DLGAP2: variants seen among roughly 807,000 people sequenced by gnomAD.
DLGAP2 encodes the protein DLG associated protein 2.
DLGAP2 carries 26 observed loss-of-function variants against 100.3 expected under a neutral mutation model. That is an observed-to-expected ratio of 0.26 (90% CI 0.19 to 0.36). DLGAP2 has a LOEUF of 0.36. Ranked by LOEUF, DLGAP2 falls within the 10% of genes least tolerant of loss-of-function variation. DLGAP2 has a pLI of 1.00. For synonymous variants in DLGAP2, 886 were observed against 630.1 expected, an observed-to-expected ratio of 1.41 and a Z score of -6.08; for missense variants, 1,858 against 1,453.2, an observed-to-expected ratio of 1.28 and a Z score of -4.53.
At chr8:1,473,857 C>G (rs529207101) in intron 3 of DLGAP2, among the ~76,000 whole-genome samples, 1 of 152,260 alleles carries the variant, frequency 6.6e-6, no homozygotes, top group South Asian at 2.1e-4. Context: ...CCATGTAAGA[C>G]CTGCCTTTCA....
At chr8:1,176,790 G>T (rs28453719) in intron 2 of DLGAP2, among the ~76,000 whole-genome samples, 1 of 152,064 alleles carries the variant, frequency 6.6e-6, no homozygotes, top group East Asian at 1.9e-4. Context: ...AAGAGGTCTC[G>T]GTTGGAGGCA....
chr8:1,414,729 C>A (rs967699711), intron 3 of DLGAP2, among the ~76,000 whole-genome samples: 1 of 152,212 alleles, frequency 6.6e-6, no homozygotes, highest in Admixed American at 6.5e-5. Flanking sequence ...AGGTGTCTGG[C>A]TGGGCACGGT....
chr8:756,312 C>T (rs1458653714), intron 1 of DLGAP2, among the ~76,000 whole-genome samples: 1 of 151,978 alleles, frequency 6.6e-6, no homozygotes, highest in African/African-American at 2.4e-5. Context: ...CAGGTGTGGG[C>T]AGGTTGGGGC....
intron 2 of DLGAP2, among the ~76,000 whole-genome samples, chr8:1,150,516 C>G (rs1183057474): frequency 6.6e-6 from 1 of 152,188 alleles, no homozygotes; most frequent in Admixed American, 6.5e-5. Flanking sequence ...CCAGATTTGT[C>G]TTTTATACTT....
intron 3 of DLGAP2, among the ~76,000 whole-genome samples, chr8:1,409,297 A>AGAAATGGG (rs1796662780): frequency 6.6e-6 from 1 of 151,238 alleles, no homozygotes; most frequent in African/African-American, 2.4e-5. Context: ...ACCAACTGGA[A>AGAAATGGG]CCAACCAGTT....
At chr8:1,144,406 C>T (rs756553007) in intron 2 of DLGAP2, among the ~76,000 whole-genome samples, 4 of 152,208 alleles carry the variant, frequency 2.6e-5, no homozygotes, top group Admixed American at 6.5e-5. Flanking sequence ...AATCCAGAAG[C>T]TGTGAAGACG....
chr8:1,496,835 G>C lies in DLGAP2; in HGVS notation c.107-4531G>C, dbSNP rs749671827. On this transcript the variant is annotated intron_variant, in intron 3 of 14. Coordinates refer to ENST00000637795, the MANE Select transcript of DLGAP2 (RefSeq NM_001346810.2). ...TTCGCTGCTGTGCCCAGAGGTGTGC[G>C]TTGCTGGAGGAGGGTTGGGTGTTGA... is the stretch of plus-strand genomic sequence containing the variant. Among the ~76,000 whole-genome samples the C allele has an allele frequency of 3.3e-5, 5 of 152,202 alleles. No individual in the cohort carries two copies. The South Asian group carries it at 1.0e-3, about 32-fold the overall frequency.
intron 6 of DLGAP2, among the ~76,000 whole-genome samples, chr8:1,626,033 C>T (rs1400176157): frequency 1.6e-5 from 2 of 128,298 alleles, no homozygotes; most frequent in African/African-American, 7.1e-5. Context: ...GGCGGGTGCT[C>T]AGCCTCTGGG....
chr8:882,485 T>C (rs1456182196), intron 1 of DLGAP2, among the ~76,000 whole-genome samples: 1 of 110,368 alleles, frequency 9.1e-6, no homozygotes, highest in African/African-American at 3.4e-5. Flanking sequence ...CCTCGCCTGA[T>C]CCAGCGGTAC....
intron 3 of DLGAP2, among the ~76,000 whole-genome samples, chr8:1,462,771 T>C (rs1275093015): frequency 1.3e-5 from 2 of 152,166 alleles, no homozygotes; most frequent in African/African-American, 4.8e-5. Context: ...CAGGGATGCC[T>C]CCTGAACAAG....
chr8:1,344,176 G>GTCGTGGGTCCGTGTACTCGGGGCC (rs1801499360), intron 3 of DLGAP2, among the ~76,000 whole-genome samples: 1 of 31,390 alleles, frequency 3.2e-5, no homozygotes, highest in Non-Finnish European at 6.4e-5. Context: ...TACTCGGGGC[G>GTCGTGGGTCCGTGTACTCGGGGCC]CTGTCGTGGG....
At chr8:1,267,594 A>AAAAT (rs1799486856) in intron 3 of DLGAP2, among the ~76,000 whole-genome samples, 1 of 51,584 alleles carries the variant, frequency 1.9e-5, no homozygotes, top group African/African-American at 8.2e-5. Flanking sequence ...AAAATAAGAT[A>AAAAT]AGATAAGATA....
intron 4 of DLGAP2, among the ~76,000 whole-genome samples, chr8:1,539,886 A>G (rs950937859): frequency 7.2e-6 from 1 of 139,156 alleles, no homozygotes. Flanking sequence ...TGTGCCCCCC[A>G]AGCCCCTCAG....
At chr8:1,630,451 C>A (rs1001526361) in intron 7 of DLGAP2, among the ~76,000 whole-genome samples, 1 of 152,052 alleles carries the variant, frequency 6.6e-6, no homozygotes, top group Admixed American at 6.6e-5. Context: ...GCCTGTAATC[C>A]CAGCACTTTG....
intron 2 of DLGAP2, among the ~76,000 whole-genome samples, chr8:1,033,744 A>AGGCT (rs1802040594): frequency 6.7e-6 from 1 of 150,100 alleles, no homozygotes; most frequent in African/African-American, 2.5e-5. Context: ...GTGGGTTCAC[A>AGGCT]CACTCATCCC....
intron 4 of DLGAP2, among the ~76,000 whole-genome samples, chr8:1,548,320 G>A (rs1187179769): frequency 4.0e-5 from 6 of 151,490 alleles, no homozygotes; most frequent in African/African-American, 1.2e-4. Context: ...TTAGCCGGGC[G>A]TGGTGGCAGG....
chr8:1,363,494 A>C (rs1802033502), intron 3 of DLGAP2, among the ~76,000 whole-genome samples: 1 of 152,194 alleles, frequency 6.6e-6, no homozygotes, highest in African/African-American at 2.4e-5. Context: ...CCTTGTCCAC[A>C]AAAAGCCATC....
intron 1 of DLGAP2, among the ~76,000 whole-genome samples, chr8:853,346 C>T (rs948667442): frequency 5.3e-5 from 8 of 152,238 alleles, no homozygotes; most frequent in East Asian, 1.9e-4. Flanking sequence ...GCTGTGACCA[C>T]GCATGTCGTC....
At chr8:1,359,168 A>G (rs1801920827) in intron 3 of DLGAP2, among the ~76,000 whole-genome samples, 1 of 152,092 alleles carries the variant, frequency 6.6e-6, no homozygotes, top group Admixed American at 6.5e-5. Flanking sequence ...TGCACCATAG[A>G]AAGGAGGGCC....
Sources: gnomAD v4.1 joint callset for allele counts (sites outside exome capture counted in the v4.1 genomes callset) on GRCh38, gnomAD v4.1.1 for gene constraint, MANE v1.5 for transcripts, NCBI Gene and HGNC (gene_info 2026-07-23, HGNC 2026-07-21) for gene names.